The following SAA2 variants were observed in gnomAD, a reference collection of about 807,000 sequenced individuals.
The protein encoded by SAA2 is serum amyloid A-2 protein.
In SAA2, 5 loss-of-function variants were observed where a neutral mutation model predicts 9.1. The ratio of observed to expected loss-of-function variants is 0.55; its 90% CI spans 0.29 to 1.16. The LOEUF is 1.16. Among genes scored for constraint, SAA2 ranks in the 50% most tolerant of loss-of-function variants. SAA2 has a pLI of 0.09. For missense variants in SAA2, 94 were observed against 153.8 expected (o/e 0.61, Z 2.06); for synonymous variants, 49 against 59.8 (o/e 0.82, Z 0.83).
downstream of SAA2, among the ~76,000 whole-genome samples, chr11:18,240,897 A>C (rs1441114884): frequency 6.6e-6 from 1 of 152,194 alleles, no homozygotes; most frequent in Non-Finnish European, 1.5e-5. Context: ...AAACTTCTGC[A>C]CAACAAAAGA....
At chr11:18,244,280 T>C (rs1857435442), downstream of SAA2, among the ~76,000 whole-genome samples, 1 of 152,214 alleles carries the variant, frequency 6.6e-6, no homozygotes, top group East Asian at 1.9e-4. Flanking sequence ...CACAGCTGGC[T>C]TCCCAGGGGT....
intron 2 of SAA2, among the ~76,000 whole-genome samples, chr11:18,247,359 C>T (rs1358202068): frequency 6.7e-6 from 1 of 149,364 alleles, no homozygotes; most frequent in Admixed American, 6.7e-5. Flanking sequence ...GAGTCAACAG[C>T]CTTAGTCATA....
Position 18,245,332 on chromosome 11 carries a change from A to T in SAA2, c.*45T>A, listed in dbSNP as rs1379639980. The T allele has an allele frequency of 1.9e-6, 3 of 1,611,552 alleles. No individual in the cohort carries two copies. The South Asian group carries it at 3.3e-5, about 18-fold the overall frequency. On this transcript the variant is annotated 3_prime_UTR_variant, in exon 4 of 4. Coordinates refer to ENST00000256733, the MANE Select transcript of SAA2 (RefSeq NM_030754.5). ...TCACTAACTTTGTATCCCTGCCCCG[A>T]GGGCCTCATAGCCAGGTCTCCTGAG...
downstream of SAA2, chr11:18,240,262 G>A: frequency 1.4e-6 from 1 of 702,832 alleles, no homozygotes; most frequent in Non-Finnish European, 2.6e-6. Flanking sequence ...CCATCCAGTT[G>A]TGGTTGTATT....
At chr11:18,241,076 A>AG (rs1255983403), downstream of SAA2, among the ~76,000 whole-genome samples, 3 of 152,236 alleles carry the variant, frequency 2.0e-5, no homozygotes, top group African/African-American at 7.2e-5. Context: ...ATTTTTCAAA[A>AG]GAAAACATAC....
At chr11:18,242,748 AAGTGG>A, downstream of SAA2, 13 of 699,764 alleles carry the variant, frequency 1.9e-5, no homozygotes, top group African/African-American at 5.2e-5. Flanking sequence ...CAAGAGGCTG[AAGTGG>A]GAGGATCTCT....
At chr11:18,244,822 T>G (rs1172128150), downstream of SAA2, among the ~76,000 whole-genome samples, 1 of 152,212 alleles carries the variant, frequency 6.6e-6, no homozygotes, top group Non-Finnish European at 1.5e-5. Flanking sequence ...TAGAAATTCA[T>G]TAATGCCTGG....
chr11:18,242,040 A>G (rs1857360948), downstream of SAA2: 1 of 152,210 alleles, frequency 6.6e-6, no homozygotes. Flanking sequence ...TGCATGTAGC[A>G]TGAGGCACAT....
intron 3 of SAA2, 58 bp downstream of exon 3, chr11:18,245,852 T>G (rs576320118): frequency 5.0e-4 from 792 of 1,594,978 alleles, no homozygotes; most frequent in Non-Finnish European, 5.4e-4. Flanking sequence ...CCCTCCTGAC[T>G]GTCCAAGGCA....
chr11:18,244,786 T>A (rs1857453308), downstream of SAA2, among the ~76,000 whole-genome samples: 1 of 152,158 alleles, frequency 6.6e-6, no homozygotes, highest in Non-Finnish European at 1.5e-5. Flanking sequence ...AGAACTGCAT[T>A]GGAGGTATTT....
chr11:18,247,005 A>T (rs533466114), intron 2 of SAA2, among the ~76,000 whole-genome samples: 1 of 152,344 alleles, frequency 6.6e-6, no homozygotes, highest in East Asian at 1.9e-4. Context: ...TCTACCTGGC[A>T]AGAGCCCTGA....
chr11:18,243,624 T>C (rs961659892), downstream of SAA2, among the ~76,000 whole-genome samples: 2 of 152,194 alleles, frequency 1.3e-5, no homozygotes, highest in African/African-American at 4.8e-5. Context: ...CTATACCTCC[T>C]ATACCTACAC....
chr11:18,239,103 C>T (rs995596472), downstream of SAA2: 12 of 152,120 alleles, frequency 7.9e-5, no homozygotes, highest in Admixed American at 7.9e-4. Context: ...TGGAATTTGT[C>T]CTACCGTAAT....
chr11:18,241,684 A>G (rs559586403), downstream of SAA2, among the ~76,000 whole-genome samples: 9 of 152,312 alleles, frequency 5.9e-5, no homozygotes, highest in Non-Finnish European at 1.0e-4. Context: ...GCACTTATAA[A>G]TGGGAGCTAA....
chr11:18,247,952 G>C lies in SAA2; in HGVS notation c.60C>G (p.Ser20Arg). ...CSLVLSVSSRSFFSFLGEAFD... is the reference protein window; with the variant it reads ...CSLVLSVSSRRFFSFLGEAFD... The stretch of plus-strand genomic sequence containing the variant: ...AAGCCTCGCCAAGGAACGAAAAGAA[G>C]CTTCGGCTGCTGACACTCAGGACCA... Residue 20 changes from serine (S) to arginine (R), a missense_variant, in exon 2 of 4, where the codon AGC becomes AGG. By Grantham distance (110) the Ser-to-Arg change is moderately radical. Around this residue, in one of 2 missense-constraint regions of SAA2, gnomAD observed 32 missense variants for 95.5 expected, o/e 0.34. Coordinates refer to ENST00000256733, the MANE Select transcript of SAA2 (RefSeq NM_030754.5). The C allele has an allele frequency of 1.9e-6, 3 of 1,613,800 alleles. No homozygotes were observed. Among genetic ancestry groups the C allele is most frequent in the Non-Finnish European group, 2.5e-6 (3 of 1,179,836 alleles).
chr11:18,239,894 G>T, exon 4 of SAA2: 2 of 1,537,038 alleles, frequency 1.3e-6, no homozygotes, highest in Non-Finnish European at 1.8e-6. Flanking sequence ...TCATTGCCTG[G>T]ATCAATGCCT....
rs186206738 is a variant in SAA2, at chr11:18,248,587, T to C, written c.-5+16A>G. On this transcript the variant is annotated intron_variant, in intron 1 of 3. Transcript: ENST00000256733. ...CAGAGTAAGTTTTAAAAATCACTCC[T>C]TGGTGTGCTCCTCACCTGATCTGTG... is the stretch of plus-strand genomic sequence containing the variant. 786 of 157,700 alleles carry C rather than the reference T, an allele frequency of 5.0e-3. 10 individuals carry two copies. The highest frequency in any genetic ancestry group is 0.018 in the African/African-American group (756 of 41,482). The allele number at this position is 157,700 out of a possible 1,614,324, so 9.8% of individuals were successfully genotyped here. A position where few individuals can be genotyped will look rare whatever the true frequency, so the allele number is the denominator to read the frequency against.
At chr11:18,248,162 A>G (rs1857660300) in intron 1 of SAA2, 147 bp from the exon 2 acceptor site, 2 of 814,180 alleles carry the variant, frequency 2.5e-6, no homozygotes, top group Non-Finnish European at 3.8e-6. Flanking sequence ...GCAGGACCTC[A>G]CTCAGAGCCA....
intron 2 of SAA2, among the ~76,000 whole-genome samples, chr11:18,247,270 C>G (rs879696051): frequency 3.6e-3 from 543 of 151,582 alleles, no homozygotes; most frequent in Non-Finnish European, 5.9e-3. Flanking sequence ...AGGAAGGGAG[C>G]CCCTGACAGA....
Sources: allele counts gnomAD v4.1 joint callset (sites outside exome capture counted in the v4.1 genomes callset), GRCh38; gene constraint gnomAD v4.1.1; regional missense constraint gnomAD v4.1.1; transcripts MANE v1.5; gene names NCBI Gene and HGNC (gene_info 2026-07-23, HGNC 2026-07-21).